Variants in FUT8 observed in about 807,000 individuals in gnomAD.
FUT8 encodes fucosyltransferase 8, also known as alpha-(1,6)-fucosyltransferase.
In FUT8, 29 loss-of-function variants were observed where a neutral mutation model predicts 71.3. The ratio of observed to expected loss-of-function variants is 0.41; its 90% CI spans 0.30 to 0.55. The LOEUF is 0.55. FUT8 is among the 20% of genes least tolerant of loss of function. The pLI is 0.34. For missense variants in FUT8, 544 were observed against 702.1 expected, an observed-to-expected ratio of 0.77 and a Z score of 2.55; for synonymous variants, 254 against 239.3, an observed-to-expected ratio of 1.06 and a Z score of -0.57.
intron 6 of FUT8, among the ~76,000 whole-genome samples, chr14:65,657,404 G>C (rs1891734458): frequency 6.6e-6 from 1 of 152,078 alleles, no homozygotes; most frequent in African/African-American, 2.4e-5. Context: ...CAATAGCCAG[G>C]ATTTGAAAGC....
At chr14:65,468,245 A>G in intron 2 of FUT8, 1 of 625,820 alleles carries the variant, frequency 1.6e-6, no homozygotes, top group Non-Finnish European at 3.0e-6. Context: ...CCTTTCTTAT[A>G]GATTCGCATA....
intron 3 of FUT8, among the ~76,000 whole-genome samples, chr14:65,584,893 A>G (rs1481784604): frequency 6.6e-6 from 1 of 152,220 alleles, no homozygotes; most frequent in African/African-American, 2.4e-5. Flanking sequence ...TTGTAGTCAG[A>G]CAGATCTAAT....
rs150206976 is a variant in FUT8, at chr14:65,568,354, CTG to C, written c.203+6591_203+6592del. 5.7e-3 allele frequency among the ~76,000 whole-genome samples: 862 copies of C among 151,526 alleles called. 29 individuals are homozygous for C. In the East Asian group the frequency reaches 0.092, roughly 16 times the overall value. Reference sequence around the variant, plus strand: ...ATTTGCTTTTTCAAAGAACCAACCTCTGTGCTTTTTTTTTCTTTATTGTATAT... The same window carrying C: ...ATTTGCTTTTTCAAAGAACCAACCTCTGCTTTTTTTTTCTTTATTGTATAT... On this transcript the variant is annotated intron_variant, in intron 3 of 10. Transcript: ENST00000673929.
chr14:65,576,930 C>T (rs1453127374), intron 3 of FUT8, among the ~76,000 whole-genome samples: 1 of 151,666 alleles, frequency 6.6e-6, no homozygotes, highest in African/African-American at 2.4e-5. Flanking sequence ...CGTGTTATCT[C>T]CTGACCTCGT....
At chr14:65,646,901 T>C (rs1891149691) in intron 6 of FUT8, among the ~76,000 whole-genome samples, 1 of 152,230 alleles carries the variant, frequency 6.6e-6, no homozygotes, top group South Asian at 2.1e-4. Flanking sequence ...TCTCACACAT[T>C]AAATATTGTT....
intron 7 of FUT8, among the ~76,000 whole-genome samples, chr14:65,702,863 C>T (rs1441792473): frequency 2.0e-5 from 3 of 152,092 alleles, no homozygotes; most frequent in African/African-American, 7.2e-5. Context: ...CTCAGCTACT[C>T]AGCCTCCCAA....
chr14:65,468,295 C>G, intron 2 of FUT8: 1 of 618,748 alleles, frequency 1.6e-6, no homozygotes, highest in South Asian at 1.4e-5. Flanking sequence ...ACTAAAAGGC[C>G]TAGAGAACAT....
At chr14:65,596,687 AAGAATATCAACTAC>A (rs1182613264) in intron 3 of FUT8, among the ~76,000 whole-genome samples, 2 of 152,238 alleles carry the variant, frequency 1.3e-5, no homozygotes, top group Admixed American at 1.3e-4. Flanking sequence ...ATCCAACCTC[AAGAATATCAACTAC>A]AGAATTCTTT....
intron 2 of FUT8, among the ~76,000 whole-genome samples, chr14:65,478,566 T>G (rs1566773485): frequency 6.6e-6 from 1 of 152,216 alleles, no homozygotes; most frequent in Non-Finnish European, 1.5e-5. Context: ...TTTGAGATGG[T>G]AACTAGAAAT....
At chr14:65,636,583 T>C (rs969051985) in intron 6 of FUT8, 1 of 152,194 alleles carries the variant, frequency 6.6e-6, no homozygotes, top group Admixed American at 6.5e-5. Flanking sequence ...TAAATTTCCA[T>C]GTTGATTTTG....
intron 4 of FUT8, 39 bp downstream of exon 4, chr14:65,616,132 G>C (rs375960470): frequency 2.5e-5 from 40 of 1,601,924 alleles, no homozygotes; most frequent in Middle Eastern, 1.7e-4. Context: ...CTCAGTATAT[G>C]GGCTTTAGCA....
intron 7 of FUT8, among the ~76,000 whole-genome samples, chr14:65,717,176 TC>T (rs1895135714): frequency 8.5e-6 from 1 of 118,160 alleles, no homozygotes; most frequent in South Asian, 3.2e-4. Context: ...GCTTCTCACC[TC>T]CCAGACGGGG....
chr14:65,502,911 CA>C (rs2066669109), intron 2 of FUT8, among the ~76,000 whole-genome samples: 1 of 152,274 alleles, frequency 6.6e-6, no homozygotes, highest in African/African-American at 2.4e-5. Flanking sequence ...AACAAGCTCC[CA>C]GGGGAGGCTG....
chr14:65,604,345 G>T (rs1486743390), intron 3 of FUT8, among the ~76,000 whole-genome samples: 1 of 151,792 alleles, frequency 6.6e-6, no homozygotes, highest in African/African-American at 2.4e-5. Context: ...TAGACCATTT[G>T]ATAGGCCACA....
chr14:65,704,847 A>G (rs1427922850), intron 7 of FUT8, among the ~76,000 whole-genome samples: 1 of 152,182 alleles, frequency 6.6e-6, no homozygotes, highest in Admixed American at 6.5e-5. Context: ...TAACTCACTA[A>G]GATATTACCT....
chr14:65,420,449 G>A (rs1256484829), intron 1 of FUT8, among the ~76,000 whole-genome samples: 6 of 151,988 alleles, frequency 3.9e-5, no homozygotes, highest in Non-Finnish European at 5.9e-5. Context: ...GTCTACAGAG[G>A]CTTAGAGTAG....
chr14:65,403,341 G>A, the FUT8 span, among the ~76,000 whole-genome samples: 3 of 152,166 alleles, frequency 2.0e-5, no homozygotes, highest in African/African-American at 7.2e-5. Flanking sequence ...TGGTGAGCAA[G>A]GATTCAAATA....
intron 2 of FUT8, among the ~76,000 whole-genome samples, chr14:65,488,109 A>G (rs1038225450): frequency 3.9e-5 from 6 of 152,116 alleles, no homozygotes; most frequent in African/African-American, 1.4e-4. Context: ...GGCGTGAGCT[A>G]CCTCACCCAG....
rs1037556178 is a variant in FUT8, at chr14:65,724,197, C to G, written c.1133C>G (p.Pro378Arg). 1.2e-6 allele frequency: 2 copies of G among 1,609,312 alleles called. No individual in the cohort carries two copies. Among genetic ancestry groups the G allele is most frequent in the African/African-American group, 2.7e-5 (2 of 74,716 alleles). The change falls in exon 9 of 11, where the codon CCC becomes CGC. Residue 378 changes from proline (P) to arginine (R), a missense_variant. By Grantham distance (103) the Pro-to-Arg change is moderately radical. Coordinates refer to ENST00000673929, the MANE Select transcript of FUT8 (RefSeq NM_001371533.1). ...GTGGGAACAGAAGCTGCCTTCCATC[C>G]CATTGAAGAGTACATGGTGCATGTT... ...DKVGTEAAFH[P>R]IEEYMVHVEE...
Sources: allele counts gnomAD v4.1 joint callset (sites outside exome capture counted in the v4.1 genomes callset), GRCh38; gene constraint gnomAD v4.1.1; transcripts MANE v1.5; gene names NCBI Gene and HGNC (gene_info 2026-07-23, HGNC 2026-07-21).